The following GPC6 variants were observed in gnomAD, a reference collection of about 807,000 sequenced individuals.
GPC6 encodes the protein glypican-6.
In GPC6, 14 loss-of-function variants were observed where a neutral mutation model predicts 55.2. That is an observed-to-expected ratio of 0.25 (90% CI 0.17 to 0.40). The LOEUF is 0.40. GPC6 is among the 10% of genes least tolerant of loss of function. The probability of loss-of-function intolerance (pLI) is 1.00; values close to 1 mark genes in which losing one functional copy is unlikely to be tolerated. For synonymous variants in GPC6, 278 were observed against 259.6 expected, an observed-to-expected ratio of 1.07 and a Z score of -0.68; for missense variants, 641 against 708.5, an observed-to-expected ratio of 0.90 and a Z score of 1.08.
chr13:93,720,827 G>T (rs547593042), intron 2 of GPC6, among the ~76,000 whole-genome samples: 22 of 151,722 alleles, frequency 1.5e-4, no homozygotes, highest in South Asian at 4.2e-4. Context: ...TTATTTACCC[G>T]GTAATCATTC....
At chr13:93,659,600 A>G (rs1423170855) in intron 2 of GPC6, among the ~76,000 whole-genome samples, 3 of 152,046 alleles carry the variant, frequency 2.0e-5, no homozygotes, top group Admixed American at 6.5e-5. Context: ...ACATAGCTGT[A>G]TACATCTAGC....
intron 1 of GPC6, among the ~76,000 whole-genome samples, chr13:93,285,616 CTGTGTG>C (rs754671051): frequency 0.014 from 1,500 of 103,550 alleles, 13 homozygotes; most frequent in East Asian, 0.037. Context: ...GTATATACTG[CTGTGTG>C]TGTGTGTGTG....
At chr13:93,455,974 A>C (rs1878438172) in intron 1 of GPC6, among the ~76,000 whole-genome samples, 1 of 152,192 alleles carries the variant, frequency 6.6e-6, no homozygotes, top group South Asian at 2.1e-4. Context: ...AACTAACTAA[A>C]AGTAGAATAC....
At chr13:93,435,105 T>C (rs71429523) in intron 1 of GPC6, among the ~76,000 whole-genome samples, 1 of 151,822 alleles carries the variant, frequency 6.6e-6, no homozygotes, top group African/African-American at 2.4e-5. Flanking sequence ...ATAATATTGG[T>C]TAATTTCTTT....
At chr13:93,900,005 C>T (rs1876256603) in intron 3 of GPC6, among the ~76,000 whole-genome samples, 1 of 152,128 alleles carries the variant, frequency 6.6e-6, no homozygotes, top group Admixed American at 6.6e-5. Flanking sequence ...CACACTAATG[C>T]ATCACTTTTA....
At chr13:93,730,854 TTGATGACCTAGGAG>T (rs1883797218) in intron 2 of GPC6, among the ~76,000 whole-genome samples, 1 of 152,130 alleles carries the variant, frequency 6.6e-6, no homozygotes, top group African/African-American at 2.4e-5. Flanking sequence ...AAGCAAAAAG[TTGATGACCTAGGAG>T]TGACTTACTA....
chr13:94,140,146 A>G (rs1887323744), intron 4 of GPC6, among the ~76,000 whole-genome samples: 1 of 152,128 alleles, frequency 6.6e-6, no homozygotes, highest in African/African-American at 2.4e-5. Context: ...CAAGGAATTC[A>G]GGAAATAAAA....
At chr13:93,322,046 T>C (rs1221374768) in intron 1 of GPC6, among the ~76,000 whole-genome samples, 3 of 152,196 alleles carry the variant, frequency 2.0e-5, no homozygotes, top group Admixed American at 1.3e-4. Flanking sequence ...TAAATTAATT[T>C]ATACAATTGT....
At chr13:94,043,470 T>C (rs1396025771) in intron 4 of GPC6, among the ~76,000 whole-genome samples, 1 of 151,920 alleles carries the variant, frequency 6.6e-6, no homozygotes, top group Non-Finnish European at 1.5e-5. Flanking sequence ...GTTAACAACA[T>C]ACATACATAA....
intron 2 of GPC6, among the ~76,000 whole-genome samples, chr13:93,623,218 A>T (rs1927682): frequency 0.82 from 124,501 of 151,834 alleles, 52,208 homozygotes; most frequent in Non-Finnish European, 0.9. Context: ...CTGAAAAAAA[A>T]AATAATAAAA....
At chr13:93,574,423 G>C (rs577279752) in intron 2 of GPC6, among the ~76,000 whole-genome samples, 9 of 152,082 alleles carry the variant, frequency 5.9e-5, no homozygotes, top group East Asian at 5.8e-4. Context: ...TAGGCAGAAG[G>C]GGGGAAGGAT....
Position 93,407,017 on chromosome 13 carries a change from G to A in GPC6, c.161-138246G>A, listed in dbSNP as rs769115158. On this transcript the variant is annotated intron_variant, in intron 1 of 8. Coordinates refer to ENST00000377047, the MANE Select transcript of GPC6 (RefSeq NM_005708.5). The stretch of plus-strand genomic sequence containing the variant: ...TAAATGGGATAATTGGGCACTCTAC[G>A]TTAGATTGTATCAATGTTAAGGTTG... Among the ~76,000 whole-genome samples the A allele has an allele frequency of 3.2e-4, 49 of 152,168 alleles. No individual in the cohort carries two copies. The Middle Eastern group carries it at 0.014, about 42-fold the overall frequency.
intron 2 of GPC6, among the ~76,000 whole-genome samples, chr13:93,617,907 C>T (rs959670254): frequency 6.6e-6 from 1 of 152,010 alleles, no homozygotes; most frequent in Non-Finnish European, 1.5e-5. Context: ...ATACTAAAAA[C>T]AAATCATGAT....
intron 7 of GPC6, among the ~76,000 whole-genome samples, chr13:94,383,987 C>A (rs1324613190): frequency 1.3e-5 from 2 of 152,164 alleles, no homozygotes; most frequent in Non-Finnish European, 2.9e-5. Flanking sequence ...AGGGAAACCA[C>A]CCCCTTGATC....
chr13:93,530,357 C>T (rs1050499298), intron 1 of GPC6, among the ~76,000 whole-genome samples: 1 of 152,198 alleles, frequency 6.6e-6, no homozygotes, highest in African/African-American at 2.4e-5. Flanking sequence ...TATTCTGCTC[C>T]TCCTCATTTC....
intron 2 of GPC6, among the ~76,000 whole-genome samples, chr13:93,695,149 C>A (rs1162002313): frequency 6.6e-6 from 1 of 152,008 alleles, no homozygotes; most frequent in Non-Finnish European, 1.5e-5. Flanking sequence ...AAATATTTAG[C>A]AATGAAAGTT....
chr13:93,770,181 T>G (rs975681613), intron 2 of GPC6, among the ~76,000 whole-genome samples: 1 of 152,202 alleles, frequency 6.6e-6, no homozygotes, highest in Non-Finnish European at 1.5e-5. Context: ...ATAAAATAGT[T>G]ATGTTACTTA....
At chr13:94,357,955 AC>A (rs748313294) in intron 6 of GPC6, among the ~76,000 whole-genome samples, 1 of 151,986 alleles carries the variant, frequency 6.6e-6, no homozygotes, top group Non-Finnish European at 1.5e-5. Flanking sequence ...CACAGAGAAA[AC>A]CCTTAATGAA....
intron 4 of GPC6, among the ~76,000 whole-genome samples, chr13:94,268,119 T>C (rs1177801349): frequency 1.3e-5 from 2 of 152,214 alleles, no homozygotes; most frequent in Non-Finnish European, 2.9e-5. Flanking sequence ...GCCACCTTGC[T>C]AAGGTCTAAA....
Sources: allele counts gnomAD v4.1 joint callset (sites outside exome capture counted in the v4.1 genomes callset), GRCh38; gene constraint gnomAD v4.1.1; transcripts MANE v1.5; gene names NCBI Gene and HGNC (gene_info 2026-07-23, HGNC 2026-07-21).